The following HAAO variants were observed in gnomAD, a reference collection of about 807,000 sequenced individuals.
HAAO encodes the protein 3-hydroxyanthranilate 3,4-dioxygenase, also known as 3-hydroxyanthranilate oxygenase.
A neutral mutation model predicts 46.2 loss-of-function variants in HAAO; 49 were observed. That is an observed-to-expected ratio of 1.06 (90% CI 0.84 to 1.34). The LOEUF is 1.34. Among genes scored for constraint, HAAO ranks in the 40% most tolerant of loss-of-function variants. The pLI is 0.00. For missense variants in HAAO, 408 were observed against 364.5 expected, an observed-to-expected ratio of 1.12 and a Z score of -0.97; for synonymous variants, 157 against 145.2, an observed-to-expected ratio of 1.08 and a Z score of -0.58.
chr2:42,788,506 C>T (rs749530800), intron 2 of HAAO, 23 bp downstream of exon 2: 9 of 1,505,822 alleles, frequency 6.0e-6, no homozygotes, highest in Non-Finnish European at 8.3e-6. Context: ...AGGCCTAGAT[C>T]CAGGGAGACC....
chr2:42,783,196 AC>A, intron 4 of HAAO, 117 bp downstream of exon 4: 1 of 643,466 alleles, frequency 1.6e-6, no homozygotes, highest in Middle Eastern at 2.6e-4. Context: ...CCTCCTGCCC[AC>A]TCAGTGGCCA....
intron 1 of HAAO, chr2:42,789,284 AAAAT>A (rs1219723632): frequency 3.3e-5 from 5 of 152,340 alleles, no homozygotes; most frequent in Non-Finnish European, 5.9e-5. Context: ...AGTATTTGAT[AAAAT>A]AAATAAACCC....
At chr2:42,787,131 C>A (rs912908870) in intron 2 of HAAO, among the ~76,000 whole-genome samples, 1 of 152,218 alleles carries the variant, frequency 6.6e-6, no homozygotes, top group Non-Finnish European at 1.5e-5. Context: ...AGTGAGGACA[C>A]CTGTGCTGGC....
At position 42,783,745 on chromosome 2, in the gene HAAO, C is replaced by A. The variant is rs200578461; in HGVS notation, c.243+39G>T. ...GGACAGGGCGGATTCCAGCTGTGGC[C>A]GCCTTTCTCTTCCCCACCCTGCTGG... is the stretch of plus-strand genomic sequence containing the variant. On this transcript the variant is annotated intron_variant, in intron 3 of 9. Transcript: ENST00000294973. 37 of 1,554,894 alleles carry A rather than the reference C, an allele frequency of 2.4e-5. No homozygotes were observed. In the East Asian group the frequency reaches 5.3e-4, roughly 22 times the overall value.
intron 4 of HAAO, among the ~76,000 whole-genome samples, chr2:42,772,599 A>AT (rs1022377888): frequency 6.6e-6 from 1 of 151,846 alleles, no homozygotes; most frequent in African/African-American, 2.4e-5. Context: ...TGACAGGACA[A>AT]TTTTTTTTGT....
intron 4 of HAAO, among the ~76,000 whole-genome samples, chr2:42,778,379 A>G (rs1322024254): frequency 6.6e-6 from 1 of 151,840 alleles, no homozygotes; most frequent in Non-Finnish European, 1.5e-5. Flanking sequence ...CCTGGGCTGG[A>G]GCACAGTGGC....
chr2:42,774,960 C>G lies in HAAO; in HGVS notation c.351-4378G>C, dbSNP rs185969683. On this transcript the variant is annotated intron_variant, in intron 4 of 9. Transcript: ENST00000294973. ...CCCTCCCCACCAACACACACACACA[C>G]GAAAAGGGCCGGGCACAGTGGCTCA... Among the ~76,000 whole-genome samples the G allele has an allele frequency of 4.2e-4, 64 of 151,872 alleles. 2 individuals carry two copies. The East Asian group carries it at 5.4e-3, about 13-fold the overall frequency.
At chr2:42,768,666 T>A (rs1022450373) in intron 7 of HAAO, among the ~76,000 whole-genome samples, 5 of 152,042 alleles carry the variant, frequency 3.3e-5, no homozygotes, top group African/African-American at 1.2e-4. Flanking sequence ...TGAACACAGG[T>A]CTCCCTGCAC....
chr2:42,787,496 G>C (rs981907658), intron 2 of HAAO, among the ~76,000 whole-genome samples: 1 of 152,166 alleles, frequency 6.6e-6, no homozygotes, highest in Admixed American at 6.5e-5. Context: ...TTGTGAGAAG[G>C]GGGTGGCCAG....
intron 4 of HAAO, 55 bp from the exon 5 acceptor site, chr2:42,770,637 C>A: frequency 8.9e-7 from 1 of 1,121,140 alleles, no homozygotes; most frequent in Admixed American, 2.2e-5. Flanking sequence ...GGCTTCAGGG[C>A]AGCCCCACTC....
At chr2:42,786,228 A>C (rs1305696693) in intron 2 of HAAO, among the ~76,000 whole-genome samples, 1 of 152,182 alleles carries the variant, frequency 6.6e-6, no homozygotes, top group Non-Finnish European at 1.5e-5. Context: ...TCCCCTGCTC[A>C]GAGGTCTTCC....
chr2:42,767,763 C>T, intron 8 of HAAO, 86 bp from the exon 9 acceptor site: 9 of 1,540,956 alleles, frequency 5.8e-6, no homozygotes, highest in Non-Finnish European at 8.1e-6. Context: ...GGCCCCAAGG[C>T]CCCAAGAGTG....
chr2:42,777,024 G>A (rs188594439), intron 4 of HAAO, among the ~76,000 whole-genome samples: 165 of 151,972 alleles, frequency 1.1e-3, no homozygotes, highest in African/African-American at 3.7e-3. Context: ...AAGTCTGACC[G>A]GGCATGGTGG....
intron 4 of HAAO, among the ~76,000 whole-genome samples, chr2:42,781,800 G>A (rs1434469715): frequency 6.6e-6 from 1 of 152,152 alleles, no homozygotes. Context: ...CTTGAACCCA[G>A]GGGGCGGAGG....
At chr2:42,770,405 C>G in intron 5 of HAAO, 88 bp downstream of exon 5, 3 of 1,082,016 alleles carry the variant, frequency 2.8e-6, no homozygotes, top group Non-Finnish European at 4.0e-6. Flanking sequence ...GGATCTCCAC[C>G]CTGGGAGGGG....
intron 4 of HAAO, among the ~76,000 whole-genome samples, chr2:42,774,273 G>A (rs1671373024): frequency 6.6e-6 from 1 of 152,182 alleles, no homozygotes; most frequent in South Asian, 2.1e-4. Flanking sequence ...CAAATTTTTG[G>A]AGTTGACATT....
Position 42,770,358 on chromosome 2 carries a change from C to T in HAAO, c.440+135G>A, listed in dbSNP as rs553074919. On this transcript the variant is annotated intron_variant, in intron 5 of 9. Transcript: ENST00000294973. ...TCCCTCCCAGCGGGGCTGCTGCTCC[C>T]CCCTCCCCCCGGCCTGGCAGTGGGC... is the stretch of plus-strand genomic sequence containing the variant. 3.4e-5 allele frequency: 30 copies of T among 887,288 alleles called. No homozygotes were observed. In the African/African-American group the frequency reaches 4.2e-4, roughly 12 times the overall value. The allele number at this position is 887,288 out of a possible 1,614,324, so 55.0% of individuals were successfully genotyped here. A position where few individuals can be genotyped will look rare whatever the true frequency, so the allele number is the denominator to read the frequency against.
At chr2:42,779,484 G>A (rs1573930744) in intron 4 of HAAO, among the ~76,000 whole-genome samples, 2 of 152,098 alleles carry the variant, frequency 1.3e-5, no homozygotes, top group South Asian at 4.1e-4. Context: ...ACCACACCCA[G>A]CTAATTTTTG....
chr2:42,767,473 CACAG>C lies in HAAO; in HGVS notation c.821_824del (p.Ser274Ter). On this transcript the variant is annotated frameshift_variant, in exon 10 of 10. Transcript: ENST00000294973. LOFTEE classifies it high-confidence loss of function. Reference sequence around the variant, plus strand: ...GCTTCTTGCAGGCAGGGTCCTGGGTCACAGACAGGGCCACAGAGCCTTGTGTTCG... The same window carrying C: ...GCTTCTTGCAGGCAGGGTCCTGGGTCACAGGGCCACAGAGCCTTGTGTTCG... 1.9e-6 allele frequency: 3 copies of C among 1,613,366 alleles called. No homozygotes were observed. Among genetic ancestry groups the C allele is most frequent in the Non-Finnish European group, 2.5e-6 (3 of 1,179,742 alleles).
Sources: allele counts gnomAD v4.1 joint callset (sites outside exome capture counted in the v4.1 genomes callset), GRCh38; gene constraint gnomAD v4.1.1; transcripts MANE v1.5; gene names NCBI Gene and HGNC (gene_info 2026-07-23, HGNC 2026-07-21).